The following TMEM255B variants were observed in gnomAD, a reference collection of about 807,000 sequenced individuals.
TMEM255B encodes family with sequence similarity 70, member B.
A neutral mutation model predicts 34.5 loss-of-function variants in TMEM255B; 35 were observed. The ratio of observed to expected loss-of-function variants is 1.01; its 90% confidence interval spans 0.77 to 1.34. The LOEUF is 1.34. Ranked by LOEUF, TMEM255B falls within the 40% of genes most tolerant of loss-of-function variation. TMEM255B has a pLI of 0.00. For synonymous variants in TMEM255B, 206 were observed against 201.2 expected, an observed-to-expected ratio of 1.02 and a Z score of -0.20; for missense variants, 432 against 433.2, an observed-to-expected ratio of 1.00 and a Z score of 0.02.
chr13:113,783,782 C>A (rs961558470), intron 3 of TMEM255B, among the ~76,000 whole-genome samples: 1 of 151,668 alleles, frequency 6.6e-6, no homozygotes, highest in African/African-American at 2.4e-5. Context: ...AGGGTTTGGT[C>A]GGGTGAGGAG....
chr13:113,786,654 C>T (rs1433647507), intron 3 of TMEM255B, among the ~76,000 whole-genome samples: 1 of 54,596 alleles, frequency 1.8e-5, no homozygotes, highest in Non-Finnish European at 5.1e-5. Flanking sequence ...ACTGTCGTTA[C>T]CCTCATCACC....
Position 113,795,162 on chromosome 13 carries a change from C to A in TMEM255B, c.267C>A (p.Ile89=). The change falls in exon 4 of 9, where the codon ATC becomes ATA. Residue 89 remains isoleucine, a synonymous_variant. Coordinates refer to ENST00000375353, the MANE Select transcript of TMEM255B (RefSeq NM_182614.4). ...ENRRQMLVAA[I]VFISFGVVAA... ...TTCTGTTGCAGCTGGTGGCAGCGAT[C>A]GTGTTTATCAGTTTTGGCGTGGTGG... 6.2e-7 allele frequency: 1 copy of A among 1,613,928 alleles called. No individual in the cohort carries two copies. The highest frequency in any genetic ancestry group is 8.5e-7 in the Non-Finnish European group (1 of 1,179,944).
At chr13:113,766,421 C>T in intron 2 of TMEM255B, 164 bp downstream of exon 2, 1 of 1,000,544 alleles carries the variant, frequency 1.0e-6, no homozygotes, top group East Asian at 2.5e-5. Context: ...ATGCACTTCC[C>T]AATCCCCAGG....
chr13:113,800,275 T>TGTG (rs2051025075), intron 5 of TMEM255B, among the ~76,000 whole-genome samples: 1 of 135,364 alleles, frequency 7.4e-6, no homozygotes, highest in East Asian at 2.3e-4. Context: ...AGGTGTCCTG[T>TGTG]GTGTGTGTGT....
chr13:113,783,929 A>G (rs1002611736), intron 3 of TMEM255B, among the ~76,000 whole-genome samples: 11 of 152,288 alleles, frequency 7.2e-5, no homozygotes, highest in South Asian at 2.1e-4. Flanking sequence ...GGGTGCAAGC[A>G]TGACATAGGC....
intron 1 of TMEM255B, among the ~76,000 whole-genome samples, chr13:113,765,309 C>T (rs1319597453): frequency 6.6e-6 from 1 of 152,206 alleles, no homozygotes; most frequent in Admixed American, 6.5e-5. Context: ...GAGGATGTAA[C>T]AATCCCTTCC....
intron 2 of TMEM255B, 99 bp from the exon 3 acceptor site, chr13:113,768,998 TA>T: frequency 7.3e-7 from 1 of 1,364,928 alleles, no homozygotes; most frequent in Non-Finnish European, 1.0e-6. Flanking sequence ...CGTCCCTGGA[TA>T]AAATGCCTTT....
At chr13:113,794,325 T>C (rs959504390) in intron 3 of TMEM255B, among the ~76,000 whole-genome samples, 1 of 152,048 alleles carries the variant, frequency 6.6e-6, no homozygotes, top group Admixed American at 6.5e-5. Flanking sequence ...GACTCAGGCT[T>C]CCCCTGTCCC....
intron 3 of TMEM255B, among the ~76,000 whole-genome samples, chr13:113,774,748 TACACACA>T (rs1236529508): frequency 4.7e-5 from 4 of 85,278 alleles, no homozygotes; most frequent in Non-Finnish European, 9.8e-5. Context: ...CCACACACAC[TACACACA>T]CCACACACCA....
In TMEM255B at chr13:113,769,239, A is replaced by G; in HGVS notation, c.252+79A>G. The G allele has an allele frequency of 6.6e-7, 1 of 1,526,300 alleles. No homozygotes were observed. Among genetic ancestry groups the G allele is most frequent in the Non-Finnish European group, 9.1e-7 (1 of 1,101,680 alleles). 94.5% of individuals were successfully genotyped at this position (1,526,300 alleles called of 1,614,324 possible). Reference sequence around the variant, plus strand: ...ACAGCTGCACTGGGGCTCTGAGAAGAGTCAGCCCTGCCTCCCCAGCACACT... The same window carrying G: ...ACAGCTGCACTGGGGCTCTGAGAAGGGTCAGCCCTGCCTCCCCAGCACACT... On this transcript the variant is annotated intron_variant, in intron 3 of 8. Coordinates refer to ENST00000375353, the MANE Select transcript of TMEM255B (RefSeq NM_182614.4). The surrounding 1 kb of genome is among the most constrained non-coding windows in gnomAD (Gnocchi z 4.2).
At chr13:113,774,552 CCACA>C (rs1040088275) in intron 3 of TMEM255B, among the ~76,000 whole-genome samples, 4 of 147,330 alleles carry the variant, frequency 2.7e-5, no homozygotes, top group Non-Finnish European at 4.5e-5. Context: ...ATGCCACACA[CCACA>C]CACACACAAC....
chr13:113,797,947 C>T (rs1433724703), intron 4 of TMEM255B, among the ~76,000 whole-genome samples: 1 of 152,188 alleles, frequency 6.6e-6, no homozygotes, highest in Admixed American at 6.5e-5. Flanking sequence ...TCTATAAATC[C>T]CTTAAGGGCA....
At chr13:113,808,106 C>G (rs961351153) in intron 8 of TMEM255B, among the ~76,000 whole-genome samples, 2 of 152,126 alleles carry the variant, frequency 1.3e-5, no homozygotes, top group African/African-American at 4.8e-5. Context: ...CTCAGAAGAA[C>G]AATGGAGGAG....
chr13:113,784,620 T>C (rs2050713685), intron 3 of TMEM255B, among the ~76,000 whole-genome samples: 1 of 152,190 alleles, frequency 6.6e-6, no homozygotes, highest in East Asian at 1.9e-4. Flanking sequence ...ATGCCCATTG[T>C]GAGCGGTTGG....
At chr13:113,777,565 C>T (rs1250350657) in intron 3 of TMEM255B, among the ~76,000 whole-genome samples, 2 of 152,222 alleles carry the variant, frequency 1.3e-5, no homozygotes, top group Non-Finnish European at 2.9e-5. Context: ...ACTCTAGACT[C>T]AGCCCAGAAG....
intron 3 of TMEM255B, among the ~76,000 whole-genome samples, chr13:113,779,504 T>C (rs1477372528): frequency 3.3e-5 from 5 of 151,954 alleles, no homozygotes; most frequent in Non-Finnish European, 7.4e-5. Flanking sequence ...TGCTGATACA[T>C]CTAGGGGTGG....
At chr13:113,768,208 T>G (rs1286663208) in intron 2 of TMEM255B, 2 of 470,636 alleles carry the variant, frequency 4.2e-6, no homozygotes, top group African/African-American at 2.0e-5. Context: ...AAGAGCCGTC[T>G]TAGGCCTCGG....
intron 3 of TMEM255B, among the ~76,000 whole-genome samples, chr13:113,779,133 G>A (rs2050628290): frequency 1.3e-5 from 2 of 152,064 alleles, no homozygotes; most frequent in African/African-American, 4.8e-5. Flanking sequence ...TCTTGGGGTC[G>A]GCATGTTTCT....
Position 113,759,307 on chromosome 13 carries a change from A to C in TMEM255B, c.38A>C (p.Asp13Ala), listed in dbSNP as rs536735991. 1.2e-3 allele frequency: 1,482 copies of C among 1,229,026 alleles called. No homozygotes were observed. Among genetic ancestry groups the C allele is most frequent in the Non-Finnish European group, 1.4e-3 (1,392 of 986,424 alleles). The allele number at this position is 1,229,026 out of a possible 1,614,324, so 76.1% of individuals were successfully genotyped here. The change falls in exon 1 of 9, where the codon GAC becomes GCC. Residue 13 changes from aspartate (D) to alanine (A), a missense_variant. Coordinates refer to ENST00000375353, the MANE Select transcript of TMEM255B (RefSeq NM_182614.4). ...PPVPGPLGLL[D>A]PAEGLSRRKK... ...GTGCCCGGGCCCCTGGGCCTGCTGG[A>C]CCCCGCAGGTGAGCGCGGGGCTGGG...
Sources: gnomAD v4.1 joint callset for allele counts (sites outside exome capture counted in the v4.1 genomes callset) on GRCh38, gnomAD v4.1.1 for gene constraint, Gnocchi (gnomAD v3.1) non-coding constraint, MANE v1.5 for transcripts, NCBI Gene and HGNC (gene_info 2026-07-23, HGNC 2026-07-21) for gene names.